PPP1R18: variants seen among roughly 807,000 people sequenced by gnomAD.
The protein encoded by PPP1R18 is phostensin.
Under a neutral mutation model 54.8 loss-of-function variants are expected in PPP1R18, and 31 were observed. That is an observed-to-expected ratio of 0.57 (90% confidence interval 0.43 to 0.76). PPP1R18 has a LOEUF of 0.76. Among genes scored for constraint, PPP1R18 ranks in the 30% least tolerant of loss-of-function variants. PPP1R18 has a pLI of 0.00. For synonymous variants in PPP1R18, 310 were observed against 320.2 expected, an observed-to-expected ratio of 0.97 and a Z score of 0.34; for missense variants, 685 against 776.1, an observed-to-expected ratio of 0.88 and a Z score of 1.39.
In PPP1R18 at chr6:30,684,119, G is replaced by T. The variant is rs1046831274; in HGVS notation, c.1611+289C>A. Among the ~76,000 whole-genome samples, 3 of 152,268 alleles carry T rather than the reference G, an allele frequency of 2.0e-5. 1 individual carries two copies. Among genetic ancestry groups the T allele is most frequent in the Admixed American group, 6.5e-5 (1 of 15,290 alleles). ...CAGGAAAGGAAGGAAAGAAAAGGGGGTTGGAAACTCAGAGCCCAAGGGAAG... is the reference window on the plus strand; with the variant it reads ...CAGGAAAGGAAGGAAAGAAAAGGGGTTTGGAAACTCAGAGCCCAAGGGAAG... On this transcript the variant is annotated intron_variant, in intron 1 of 2. Transcript: ENST00000274853. This position sits in a 1 kb window ranked among gnomAD's most constrained non-coding sequence, Gnocchi z 6.0.
rs1344421843 is a variant in PPP1R18 at position 30,677,404 on chromosome 6, T to C, written c.1823-116A>G. 3.7e-6 allele frequency: 3 copies of C among 802,396 alleles called. No individual in the cohort carries two copies. The Admixed American group carries it at 8.3e-5, about 22-fold the overall frequency. The allele number at this position is 802,396 out of a possible 1,614,324, so 49.7% of individuals were successfully genotyped here. A position where few individuals can be genotyped will look rare whatever the true frequency, so the allele number is the denominator to read the frequency against. On this transcript the variant is annotated intron_variant, in intron 2 of 2. Transcript: ENST00000274853. ...GGCATGCAGGAAGTCCTATAATATCTTCCATATCTAAAGCATGTTACCACC... is the reference window on the plus strand; with the variant it reads ...GGCATGCAGGAAGTCCTATAATATCCTCCATATCTAAAGCATGTTACCACC...
In PPP1R18 at chr6:30,686,089, C is replaced by G; in HGVS notation, c.-71G>C. 1 of 1,467,326 alleles carries G rather than the reference C, an allele frequency of 6.8e-7. No homozygotes were observed. The highest frequency in any genetic ancestry group is 9.1e-7 in the Non-Finnish European group (1 of 1,103,240). The allele number at this position is 1,467,326 out of a possible 1,614,324, so 90.9% of individuals were successfully genotyped here. On this transcript the variant is annotated 5_prime_UTR_variant, in exon 1 of 3. Coordinates refer to ENST00000274853, the MANE Select transcript of PPP1R18 (RefSeq NM_133471.4). The stretch of plus-strand genomic sequence containing the variant: ...GAAGGAGAGGCTCCAGAGAGTGAGA[C>G]AGCCCGGGGGTGAGACTGAGGGTGG...
At chr6:30,686,719 C>G (rs928388983), upstream of PPP1R18, 3 of 152,122 alleles carry the variant, frequency 2.0e-5, no homozygotes, top group African/African-American at 7.3e-5. Context: ...CCCCTCTGCC[C>G]CGCACTCCGC....
intron 1 of PPP1R18, among the ~76,000 whole-genome samples, chr6:30,682,947 C>A (rs779283617): frequency 6.6e-6 from 1 of 152,192 alleles, no homozygotes; most frequent in South Asian, 2.1e-4. Context: ...ACACCTCACC[C>A]GGGTAGCATT....
chr6:30,684,557 G>C lies in PPP1R18; in HGVS notation c.1462C>G (p.Pro488Ala). 1 of 1,611,246 alleles carries C rather than the reference G, an allele frequency of 6.2e-7. No homozygotes were observed. The highest frequency in any genetic ancestry group is 8.5e-7 in the Non-Finnish European group (1 of 1,179,234). The change falls in exon 1 of 3, where the codon CCA becomes GCA. Residue 488 changes from proline (P) to alanine (A), a missense_variant. Transcript: ENST00000274853. The surrounding 1 kb of genome is among the most constrained non-coding windows in gnomAD (Gnocchi z 6.0). ...GCATCAACTGTGGCTGGAGAGGTTG[G>C]GGTGGCTGGGGTCGCAGGGGGCACA... ...RSVPPATPAT[P>A]TSPATVDAAV...
At position 30,677,162 on chromosome 6, in the gene PPP1R18, C is replaced by T. The variant is rs748779877; in HGVS notation, c.*107G>A. The T allele has an allele frequency of 1.8e-6, 2 of 1,085,760 alleles. No homozygotes were observed. The highest frequency in any genetic ancestry group is 2.4e-5 in the East Asian group (1 of 42,412). 67.3% of individuals were successfully genotyped at this position (1,085,760 alleles called of 1,614,324 possible). ...AAGCAAGTTACAAGATGTTGGTTGCCCTTCCCTGCCAGGCTCATTATCAGG... is the reference window on the plus strand; with the variant it reads ...AAGCAAGTTACAAGATGTTGGTTGCTCTTCCCTGCCAGGCTCATTATCAGG... On this transcript the variant is annotated 3_prime_UTR_variant, in exon 3 of 3. Transcript: ENST00000274853.
Position 30,686,186 on chromosome 6 carries a change from A to C in PPP1R18, c.-168T>G. The C allele has an allele frequency of 4.7e-6, 3 of 636,192 alleles. No homozygotes were observed. Among genetic ancestry groups the C allele is most frequent in the Non-Finnish European group, 2.6e-6 (1 of 381,558 alleles). The allele number at this position is 636,192 out of a possible 1,614,324, so 39.4% of individuals were successfully genotyped here. A position where few individuals can be genotyped will look rare whatever the true frequency, so the allele number is the denominator to read the frequency against. ...AGGGGCTAAGGATGAGGACAGAGGG[A>C]AAGACGGAAGGCAGAGAACTGGGGA... is the stretch of plus-strand genomic sequence containing the variant. On this transcript the variant is annotated 5_prime_UTR_variant, in exon 1 of 3. Coordinates refer to ENST00000274853, the MANE Select transcript of PPP1R18 (RefSeq NM_133471.4).
At position 30,684,783 on chromosome 6, in the gene PPP1R18, G is replaced by A; in HGVS notation, c.1236C>T (p.Gly412=). The A allele has an allele frequency of 6.2e-7, 1 of 1,603,206 alleles. No homozygotes were observed. ...PLPPEDAGTG[G]LRQQEEEAVE... The stretch of plus-strand genomic sequence containing the variant: ...CTGCTTCCTCTTCCTGCTGTCTCAG[G>A]CCTCCAGTCCCAGCGTCCTCTGGTG... Residue 412 remains glycine, a synonymous_variant, in exon 1 of 3, where the codon GGC becomes GGT. Transcript: ENST00000274853. This position sits in a 1 kb window ranked among gnomAD's most constrained non-coding sequence, Gnocchi z 6.0.
Position 30,679,176 on chromosome 6 carries a change from T to G in PPP1R18, c.1822+3A>C. ...CCCTCGGGCCGGCGGAGCCTCCGCT[T>G]ACCCACAATCAGGGCCTTGGTGCGC... On this transcript the variant is annotated splice_donor_region_variant and intron_variant, in intron 2 of 2. Transcript: ENST00000274853. The G allele has an allele frequency of 1.3e-6, 2 of 1,598,272 alleles. No homozygotes were observed. The highest frequency in any genetic ancestry group is 1.7e-6 in the Non-Finnish European group (2 of 1,176,922).
In PPP1R18 at chr6:30,685,805, G is replaced by A. The variant is rs1356955764; in HGVS notation, c.214C>T (p.Pro72Ser). The A allele has an allele frequency of 4.3e-6, 7 of 1,612,902 alleles. No homozygotes were observed. Among genetic ancestry groups the A allele is most frequent in the Non-Finnish European group, 5.9e-6 (7 of 1,180,040 alleles). ...TCCAGAAGGACCGCAGACTCATCCG[G>A]GTCTGGAGGTCCAGCCTCTACAGTC... is the stretch of plus-strand genomic sequence containing the variant. ...LGTVEAGPPD[P>S]DESAVLLEAI... is the part of the protein sequence containing the mutation. The change falls in exon 1 of 3, where the codon CCG (proline) becomes TCG (serine). Residue 72 changes from proline to serine, a missense_variant. By Grantham distance (74) the Pro-to-Ser change is moderately conservative. Transcript: ENST00000274853. This position sits in a 1 kb window ranked among gnomAD's most constrained non-coding sequence, Gnocchi z 5.0.
Position 30,685,161 on chromosome 6 carries a change from C to T in PPP1R18, c.858G>A (p.Gly286=). 1 of 1,613,082 alleles carries T rather than the reference C, an allele frequency of 6.2e-7. No homozygotes were observed. Reference sequence around the variant, plus strand: ...GCTCTGCAGTCTCTTTTGGAGCTACCCCTGGAACTGGCCACTCTTCTTTTC... The same window carrying T: ...GCTCTGCAGTCTCTTTTGGAGCTACTCCTGGAACTGGCCACTCTTCTTTTC... ...CGRKEEWPVP[G]VAPKETAELS... is the part of the protein sequence containing the mutation. Residue 286 remains glycine (G), a synonymous_variant, in exon 1 of 3, where the codon GGG becomes GGA. Coordinates refer to ENST00000274853, the MANE Select transcript of PPP1R18 (RefSeq NM_133471.4). The surrounding 1 kb of genome is among the most constrained non-coding windows in gnomAD (Gnocchi z 5.0).
Position 30,684,743 on chromosome 6 carries a change from G to A in PPP1R18, c.1276C>T (p.Pro426Ser). The stretch of plus-strand genomic sequence containing the variant: ...GGGGGAGACAGAGGGGCTGGTGGTG[G>A]GGGCTGGAGCTCCACTGCTTCCTCT... ...QEEEAVELQP[P>S]PPAPLSPPPP... Residue 426 changes from proline to serine, a missense_variant, in exon 1 of 3, where the codon CCA (proline) becomes TCA (serine). Pro to Ser is a moderately conservative substitution (Grantham distance 74). Transcript: ENST00000274853. This position sits in a 1 kb window ranked among gnomAD's most constrained non-coding sequence, Gnocchi z 6.0. The A allele has an allele frequency of 6.4e-7, 1 of 1,561,748 alleles. No individual in the cohort carries two copies. Among genetic ancestry groups the A allele is most frequent in the Non-Finnish European group, 8.7e-7 (1 of 1,155,220 alleles).
rs902279611 is a variant in PPP1R18, at chr6:30,686,218, A to C, written c.-200T>G. On this transcript the variant is annotated 5_prime_UTR_variant, in exon 1 of 3. Transcript: ENST00000274853. ...GAAGGCAGAGAACTGGGGAAATGGA[A>C]AAAGTGAAGAGAAGTTGTGAGCCCA... The C allele has an allele frequency of 1.3e-5, 7 of 549,566 alleles. No individual in the cohort carries two copies. Among genetic ancestry groups the C allele is most frequent in the Non-Finnish European group, 2.2e-5 (7 of 318,758 alleles). 34.0% of individuals were successfully genotyped at this position (549,566 alleles called of 1,614,324 possible).
chr6:30,677,282 G>A lies in PPP1R18; in HGVS notation c.1829C>T (p.Ser610Phe). 6.2e-7 allele frequency: 1 copy of A among 1,601,372 alleles called. No homozygotes were observed. The highest frequency in any genetic ancestry group is 8.5e-7 in the Non-Finnish European group (1 of 1,175,420). The change falls in exon 3 of 3, where the codon TCC (serine) becomes TTC (phenylalanine). Residue 610 changes from serine (S) to phenylalanine (F), a missense_variant. Physicochemically the swap from Ser to Phe is radical, Grantham distance 155. Transcript: ENST00000274853. The part of the protein sequence containing the change: ...LRTKALIVDE[S>F]CRR ...GTTGGAAGATGGTCACCGCCGGCAG[G>A]ACTCATCTGTGGGAGAGGGGGCAAT...
At chr6:30,681,861 G>A (rs1253024316) in intron 1 of PPP1R18, among the ~76,000 whole-genome samples, 1 of 152,174 alleles carries the variant, frequency 6.6e-6, no homozygotes, top group African/African-American at 2.4e-5. Context: ...TGCCATCAGA[G>A]GACCAATGCT....
intron 1 of PPP1R18, among the ~76,000 whole-genome samples, chr6:30,680,955 T>G (rs1770512824): frequency 6.6e-6 from 1 of 151,830 alleles, no homozygotes; most frequent in Non-Finnish European, 1.5e-5. Flanking sequence ...CATGGTGGCG[T>G]GCACCTGTAG....
chr6:30,684,490 T>C lies in PPP1R18; in HGVS notation c.1529A>G (p.Glu510Gly). The C allele has an allele frequency of 6.2e-7, 1 of 1,612,160 alleles. No individual in the cohort carries two copies. The highest frequency in any genetic ancestry group is 8.5e-7 in the Non-Finnish European group (1 of 1,179,584). The change falls in exon 1 of 3, where the codon GAG becomes GGG. Residue 510 changes from glutamate to glycine, a missense_variant. Physicochemically the swap from Glu to Gly is moderately conservative, Grantham distance 98 (BLOSUM62 -2). Transcript: ENST00000274853. The surrounding 1 kb of genome is among the most constrained non-coding windows in gnomAD (Gnocchi z 6.0). Reference protein sequence around the residue: ...GAGKKRYPTAEEILVLGGYLR... With the variant: ...GAGKKRYPTAGEILVLGGYLR... ...GTAGCCCCCCAGAACCAAGATCTCCTCGGCAGTTGGGTACCGCTTCTTCCC... is the reference window on the plus strand; with the variant it reads ...GTAGCCCCCCAGAACCAAGATCTCCCCGGCAGTTGGGTACCGCTTCTTCCC...
intron 2 of PPP1R18, 139 bp from the exon 3 acceptor site, chr6:30,677,427 A>G: frequency 1.5e-6 from 1 of 650,278 alleles, no homozygotes; most frequent in Non-Finnish European, 2.6e-6. Context: ...GCATGTTACC[A>G]CCAGTAACCA....
Position 30,685,093 on chromosome 6 carries a change from G to T in PPP1R18, c.926C>A (p.Ala309Glu), listed in dbSNP as rs746831861. Residue 309 changes from alanine (A) to glutamate (E), a missense_variant, in exon 1 of 3, where the codon GCA becomes GAA. Ala to Glu is a moderately radical substitution (Grantham distance 107, BLOSUM62 -1). Coordinates refer to ENST00000274853, the MANE Select transcript of PPP1R18 (RefSeq NM_133471.4). The surrounding 1 kb of genome is among the most constrained non-coding windows in gnomAD (Gnocchi z 5.0). The part of the protein sequence containing the change: ...LTREAQGNSS[A>E]GVEAAEQRPV... Reference sequence around the variant, plus strand: ...CCTCTGCTCTGCTGCCTCCACTCCTGCGGAACTGTTGCCTTGGGCCTCCCT... The same window carrying T: ...CCTCTGCTCTGCTGCCTCCACTCCTTCGGAACTGTTGCCTTGGGCCTCCCT... 6.2e-7 allele frequency: 1 copy of T among 1,613,160 alleles called. No individual in the cohort carries two copies. Among genetic ancestry groups the T allele is most frequent in the East Asian group, 2.2e-5 (1 of 44,886 alleles).
Sources: gnomAD v4.1 joint callset for allele counts (sites outside exome capture counted in the v4.1 genomes callset) on GRCh38, gnomAD v4.1.1 for gene constraint, Gnocchi (gnomAD v3.1) non-coding constraint, MANE v1.5 for transcripts, NCBI Gene and HGNC (gene_info 2026-07-23, HGNC 2026-07-21) for gene names.